LCOR: variants seen among roughly 807,000 people sequenced by gnomAD.
LCOR encodes ligand-dependent corepressor.
In LCOR, 14 loss-of-function variants were observed where a neutral mutation model predicts 64.4. That is an observed-to-expected ratio of 0.22 (90% confidence interval 0.14 to 0.34). The LOEUF (loss-of-function observed/expected upper bound fraction) is 0.34, where lower values mean the gene tolerates loss of function less well. Among genes scored for constraint, LCOR ranks in the 10% least tolerant of loss-of-function variants. The pLI, the probability that LCOR is intolerant of heterozygous loss-of-function variation, is 1.00. For missense variants in LCOR, 1,686 were observed against 1,765.3 expected (o/e 0.96, Z 0.80); for synonymous variants, 643 against 642.5 (o/e 1.00, Z -0.01).
At chr10:96,973,035 A>G (rs1020605161) in intron 7 of LCOR, among the ~76,000 whole-genome samples, 7 of 152,106 alleles carry the variant, frequency 4.6e-5, no homozygotes, top group Admixed American at 4.6e-4. Flanking sequence ...ACCCCTCACC[A>G]TTCTCCATGA....
intron 2 of LCOR, among the ~76,000 whole-genome samples, chr10:96,882,055 C>T (rs187717638): frequency 4.1e-4 from 63 of 152,176 alleles, no homozygotes; most frequent in Admixed American, 1.1e-3. Context: ...CTCAGGACCT[C>T]TTAAAAATTA....
intron 4 of LCOR, among the ~76,000 whole-genome samples, chr10:96,931,482 G>A (rs1298394493): frequency 6.6e-6 from 1 of 152,028 alleles, no homozygotes; most frequent in Non-Finnish European, 1.5e-5. Flanking sequence ...GTGATCCACT[G>A]CCTCGGTGTC....
chr10:96,920,858 T>C (rs1156369394), intron 4 of LCOR, among the ~76,000 whole-genome samples: 1 of 150,838 alleles, frequency 6.6e-6, no homozygotes, highest in African/African-American at 2.4e-5. Flanking sequence ...AGTACAATGG[T>C]GCAAACACTG....
chr10:96,982,275 C>T lies in LCOR; in HGVS notation c.1815C>T (p.Ser605=), dbSNP rs749157327. The change falls in exon 8 of 8, where the codon TCC becomes TCT. Residue 605 remains serine (S), a synonymous_variant. Coordinates refer to ENST00000421806, the MANE Select transcript of LCOR (RefSeq NM_001346516.2). ...AGATTAAGCCGAACCTGAGCAGCTCCCCTAGGTCAGAGGAAACGACAGCCT... is the reference window on the plus strand; with the variant it reads ...AGATTAAGCCGAACCTGAGCAGCTCTCCTAGGTCAGAGGAAACGACAGCCT... The part of the protein sequence containing the change: ...PTKIKPNLSS[S]PRSEETTASS... 9.9e-6 allele frequency: 16 copies of T among 1,614,186 alleles called. No individual in the cohort carries two copies. The highest frequency in any genetic ancestry group is 1.4e-5 in the Non-Finnish European group (16 of 1,180,036).
chr10:96,896,649 C>G (rs1846542354), intron 2 of LCOR, among the ~76,000 whole-genome samples: 1 of 152,064 alleles, frequency 6.6e-6, no homozygotes, highest in African/African-American at 2.4e-5. Flanking sequence ...GTCTTGAACT[C>G]CTGACCTCAG....
At chr10:96,917,950 G>A (rs1364207807) in intron 4 of LCOR, among the ~76,000 whole-genome samples, 2 of 152,108 alleles carry the variant, frequency 1.3e-5, no homozygotes, top group African/African-American at 2.4e-5. Context: ...AATGGAGATA[G>A]CTCAAAGCAT....
chr10:96,946,576 T>C (rs914034591), intron 5 of LCOR, among the ~76,000 whole-genome samples: 1 of 152,132 alleles, frequency 6.6e-6, no homozygotes, highest in African/African-American at 2.4e-5. Flanking sequence ...TTGTTGCTTT[T>C]ATTTGACTCA....
At chr10:96,912,599 TCTTCCTTTCTTCCTTCCTTC>T (rs1055640094) in intron 4 of LCOR, among the ~76,000 whole-genome samples, 15 of 110,752 alleles carry the variant, frequency 1.4e-4, no homozygotes, top group African/African-American at 6.2e-4. Flanking sequence ...GATCTTCCTT[TCTTCCTTTCTTCCTTCCTTC>T]CTTCCTTCCT....
intron 4 of LCOR, among the ~76,000 whole-genome samples, chr10:96,910,189 T>C (rs1447442726): frequency 2.0e-5 from 3 of 152,230 alleles, no homozygotes; most frequent in Non-Finnish European, 4.4e-5. Context: ...CATGCCACCA[T>C]ACCCAGCTTG....
chr10:96,932,912 T>C (rs890672112), intron 4 of LCOR, among the ~76,000 whole-genome samples: 1 of 152,196 alleles, frequency 6.6e-6, no homozygotes, highest in South Asian at 2.1e-4. Context: ...ATTGTTTATT[T>C]TGGTTGATGG....
chr10:96,956,803 A>ACT (rs1472494554), intron 7 of LCOR: 1 of 985,728 alleles, frequency 1.0e-6, no homozygotes, highest in East Asian at 1.1e-4. Context: ...ATTTTAGCAA[A>ACT]CTAGGTTTCT....
intron 2 of LCOR, among the ~76,000 whole-genome samples, chr10:96,893,307 TAAC>T (rs1486439017): frequency 6.6e-6 from 1 of 152,208 alleles, no homozygotes; most frequent in African/African-American, 2.4e-5. Context: ...AAAGAGGCAT[TAAC>T]AAACTGAAAA....
intron 4 of LCOR, among the ~76,000 whole-genome samples, chr10:96,925,041 TTTA>T (rs1382296161): frequency 2.0e-5 from 3 of 151,720 alleles, no homozygotes; most frequent in Non-Finnish European, 4.4e-5. Context: ...CAACCATTTA[TTTA>T]TTTATTTATT....
At position 96,871,427 on chromosome 10, in the gene LCOR, T is replaced by C. The variant is rs534236979; in HGVS notation, c.-329-35838T>C. ...TATTTAGACCTTTACTTTTTTCTTTTTTTGAATCAGGGTCTCACTCTGTCG... is the reference window on the plus strand; with the variant it reads ...TATTTAGACCTTTACTTTTTTCTTTCTTTGAATCAGGGTCTCACTCTGTCG... On this transcript the variant is annotated intron_variant, in intron 2 of 7. Coordinates refer to ENST00000421806, the MANE Select transcript of LCOR (RefSeq NM_001346516.2). 3.3e-5 allele frequency among the ~76,000 whole-genome samples: 5 copies of C among 151,976 alleles called. No homozygotes were observed. In the South Asian group the frequency reaches 8.3e-4, roughly 25 times the overall value.
chr10:96,871,598 A>G lies in LCOR; in HGVS notation c.-329-35667A>G, dbSNP rs536324824. 2.1e-5 allele frequency among the ~76,000 whole-genome samples: 3 copies of G among 141,418 alleles called. No individual in the cohort carries two copies. In the South Asian group the frequency reaches 6.6e-4, roughly 31 times the overall value. 92.8% of individuals were successfully genotyped at this position (141,418 alleles called of 152,430 possible). A position where few individuals can be genotyped will look rare whatever the true frequency, so the allele number is the denominator to read the frequency against. Reference sequence around the variant, plus strand: ...TGGCTAATTTTTTTTTTTTTTTGCTAGTTTTTATAGAAACGGAGGTTTCGC... The same window carrying G: ...TGGCTAATTTTTTTTTTTTTTTGCTGGTTTTTATAGAAACGGAGGTTTCGC... On this transcript the variant is annotated intron_variant, in intron 2 of 7. Coordinates refer to ENST00000421806, the MANE Select transcript of LCOR (RefSeq NM_001346516.2).
chr10:96,958,906 TAAAAAAAAAAA>T (rs74784568), intron 7 of LCOR: 1 of 103,890 alleles, frequency 9.6e-6, no homozygotes, highest in Non-Finnish European at 2.2e-5. Flanking sequence ...AAGAAAAACT[TAAAAAAAAAAA>T]AAAAAAAAAA....
At chr10:96,931,875 C>T (rs933398085) in intron 4 of LCOR, among the ~76,000 whole-genome samples, 3 of 152,136 alleles carry the variant, frequency 2.0e-5, no homozygotes, top group Non-Finnish European at 4.4e-5. Flanking sequence ...TTAAAGTCCA[C>T]TTGGGTAAAT....
intron 2 of LCOR, among the ~76,000 whole-genome samples, chr10:96,891,429 A>G (rs376931221): frequency 3.8e-5 from 5 of 130,226 alleles, no homozygotes; most frequent in African/African-American, 1.2e-4. Flanking sequence ...AGGTTTGTCA[A>G]TATTGATTTT....
In LCOR at chr10:96,989,395, C is replaced by CA. The variant is rs1416932456; in HGVS notation, c.*4261_*4262insA. On this transcript the variant is annotated 3_prime_UTR_variant, in exon 8 of 8. Coordinates refer to ENST00000421806, the MANE Select transcript of LCOR (RefSeq NM_001346516.2). ...GACTACTTTAGTTGGACTTTTAGTC[C>CA]TCTGAATGTCACATTTAGATATGGA... The CA allele has an allele frequency of 7.2e-5, 11 of 152,142 alleles. No individual in the cohort carries two copies. Among genetic ancestry groups the CA allele is most frequent in the Non-Finnish European group, 1.3e-4 (9 of 68,008 alleles). 9.4% of individuals were successfully genotyped at this position (152,142 alleles called of 1,614,324 possible).
Sources: gnomAD v4.1 joint callset for allele counts (sites outside exome capture counted in the v4.1 genomes callset) on GRCh38, gnomAD v4.1.1 for gene constraint, MANE v1.5 for transcripts, NCBI Gene and HGNC (gene_info 2026-07-23, HGNC 2026-07-21) for gene names.